Variants in XPO4 observed in about 807,000 individuals in gnomAD.
XPO4 encodes exportin 4, also known as exportin-4.
A neutral mutation model predicts 143.0 loss-of-function variants in XPO4; 39 were observed. The ratio of observed to expected loss-of-function variants is 0.27; its 90% CI spans 0.21 to 0.36. XPO4 has a LOEUF of 0.36. XPO4 is among the 10% of genes least tolerant of loss of function. XPO4 has a pLI of 1.00. For synonymous variants in XPO4, 439 were observed against 474.0 expected, an observed-to-expected ratio of 0.93 and a Z score of 0.96; for missense variants, 907 against 1,348.0, an observed-to-expected ratio of 0.67 and a Z score of 5.12.
At chr13:20,855,593 T>C (rs1356340568) in intron 4 of XPO4, 34 bp downstream of exon 4, 2 of 1,468,482 alleles carry the variant, frequency 1.4e-6, no homozygotes, top group East Asian at 5.1e-5. Flanking sequence ...AAATATAAAT[T>C]GTTAATATTT....
At chr13:20,869,602 C>T (rs1170657529) in intron 1 of XPO4, 1 of 776,238 alleles carries the variant, frequency 1.3e-6, no homozygotes, top group South Asian at 5.9e-5. Flanking sequence ...GATCAACACT[C>T]ATTATAAATT....
In XPO4 at chr13:20,797,154, T is replaced by C. The variant is rs373593571; in HGVS notation, c.2323-97A>G. On this transcript the variant is annotated intron_variant, in intron 16 of 22. Transcript: ENST00000255305. ...TCACTTTCCAAAACATTTCTAATTG[T>C]TGGAGGCAGGACAAGCACATAACAA... The C allele has an allele frequency of 1.2e-3, 1,438 of 1,228,914 alleles. 26 individuals carry two copies. The South Asian group carries it at 0.021, about 18-fold the overall frequency. The allele number at this position is 1,228,914 out of a possible 1,614,324, so 76.1% of individuals were successfully genotyped here.
chr13:20,834,701 G>A (rs1313878984), intron 6 of XPO4, among the ~76,000 whole-genome samples: 1 of 151,866 alleles, frequency 6.6e-6, no homozygotes, highest in Admixed American at 6.6e-5. Context: ...GCTCATGCCT[G>A]TAATCCCAGC....
intron 3 of XPO4, chr13:20,857,023 G>A (rs2060151154): frequency 3.0e-6 from 1 of 333,170 alleles, no homozygotes; most frequent in Non-Finnish European, 4.3e-6. Flanking sequence ...TTATACAGAT[G>A]AATAAATATG....
intron 9 of XPO4, among the ~76,000 whole-genome samples, chr13:20,819,830 G>A (rs1259152130): frequency 6.6e-6 from 1 of 152,148 alleles, no homozygotes; most frequent in East Asian, 1.9e-4. Context: ...GGTATTAGCT[G>A]TATACTCCCC....
intron 9 of XPO4, among the ~76,000 whole-genome samples, chr13:20,818,881 T>C (rs1281788389): frequency 6.6e-6 from 1 of 151,370 alleles, no homozygotes; most frequent in Non-Finnish European, 1.5e-5. Context: ...AGTGCAGTGG[T>C]GTGATCTTGG....
intron 4 of XPO4, among the ~76,000 whole-genome samples, chr13:20,854,037 C>G (rs1414518995): frequency 2.6e-5 from 4 of 152,124 alleles, no homozygotes; most frequent in Non-Finnish European, 2.9e-5. Flanking sequence ...GTATACACAA[C>G]AGTCACAACT....
At position 20,783,508 on chromosome 13, in the gene XPO4, T is replaced by G; in HGVS notation, c.*214A>C. 2 of 570,952 alleles carry G rather than the reference T, an allele frequency of 3.5e-6. No individual in the cohort carries two copies. Among genetic ancestry groups the G allele is most frequent in the South Asian group, 2.3e-5 (1 of 43,132 alleles). The allele number at this position is 570,952 out of a possible 1,614,324, so 35.4% of individuals were successfully genotyped here. A position where few individuals can be genotyped will look rare whatever the true frequency, so the allele number is the denominator to read the frequency against. ...ATCACCATTCAGAATCTAAAAGACA[T>G]ATATATGACAGATTGTGGCTAACAC... On this transcript the variant is annotated 3_prime_UTR_variant, in exon 23 of 23. Coordinates refer to ENST00000255305, the MANE Select transcript of XPO4 (RefSeq NM_022459.5).
chr13:20,792,421 T>C lies in XPO4; in HGVS notation c.2798-1841A>G, dbSNP rs572370936. 3.6e-4 allele frequency among the ~76,000 whole-genome samples: 55 copies of C among 152,004 alleles called. 1 individual carries two copies. The highest frequency in any genetic ancestry group is 6.2e-4 in the South Asian group (3 of 4,814). On this transcript the variant is annotated intron_variant, in intron 18 of 22. Transcript: ENST00000255305. ...GCCTGGCCAACATAGTGAAACATAG[T>C]ATCTGCTAAAAAAGGCGGGCACCTA...
intron 14 of XPO4, 116 bp from the exon 15 acceptor site, chr13:20,800,441 A>G (rs2059417128): frequency 1.0e-6 from 1 of 963,596 alleles, no homozygotes; most frequent in Non-Finnish European, 1.5e-6. Context: ...CTTACTTCAC[A>G]TCAACTTTAC....
intron 6 of XPO4, among the ~76,000 whole-genome samples, chr13:20,841,943 C>T (rs1305091067): frequency 6.6e-6 from 1 of 151,806 alleles, no homozygotes; most frequent in Non-Finnish European, 1.5e-5. Context: ...ATTAAATTTC[C>T]TATACCACAC....
chr13:20,899,570 T>A (rs1249788216), intron 1 of XPO4, among the ~76,000 whole-genome samples: 1 of 152,166 alleles, frequency 6.6e-6, no homozygotes, highest in Admixed American at 6.5e-5. Context: ...CTCTAGACCC[T>A]ATTACTAAAA....
At chr13:20,898,468 G>A (rs2060589423) in intron 1 of XPO4, among the ~76,000 whole-genome samples, 1 of 152,126 alleles carries the variant, frequency 6.6e-6, no homozygotes, top group Non-Finnish European at 1.5e-5. Context: ...GGGAGGCTGA[G>A]GCAGGACAAT....
chr13:20,843,504 T>C (rs1294081141), intron 5 of XPO4, among the ~76,000 whole-genome samples: 6 of 151,776 alleles, frequency 4.0e-5, no homozygotes, highest in African/African-American at 1.2e-4. Flanking sequence ...ATTAGTTATA[T>C]CTAAACACAA....
At chr13:20,828,731 G>A (rs1455572919) in intron 6 of XPO4, among the ~76,000 whole-genome samples, 1 of 152,096 alleles carries the variant, frequency 6.6e-6, no homozygotes, top group Admixed American at 6.6e-5. Context: ...GGAGGTACAG[G>A]GAAAGAGGTG....
At chr13:20,889,174 TAAGTTA>T (rs1245815162) in intron 1 of XPO4, among the ~76,000 whole-genome samples, 2 of 138,050 alleles carry the variant, frequency 1.4e-5, no homozygotes, top group East Asian at 2.0e-4. Flanking sequence ...TGTTTAAGTT[TAAGTTA>T]ATTAAAAATT....
chr13:20,886,461 A>T (rs146256047), intron 1 of XPO4, among the ~76,000 whole-genome samples: 24 of 152,098 alleles, frequency 1.6e-4, no homozygotes, highest in South Asian at 4.2e-4. Context: ...AAAATATAAA[A>T]AATTAGTTGT....
rs183369249 is a variant in XPO4 at position 20,796,221 on chromosome 13, A to G, written c.2652T>C (p.Thr884=). The G allele has an allele frequency of 1.1e-4, 180 of 1,612,738 alleles. 1 individual carries two copies. In the African/African-American group the frequency reaches 2.3e-3, roughly 20 times the overall value. The change falls in exon 18 of 23, where the codon ACT becomes ACC. Residue 884 remains threonine, a synonymous_variant. Coordinates refer to ENST00000255305, the MANE Select transcript of XPO4 (RefSeq NM_022459.5). ...KAMNLYEACL[T]LLQVYSKNNL... ...TATTCTTAGAATACACTTGCAACAA[A>G]GTAAGGCAGGCTTCATATAAGTTCA...
At chr13:20,879,061 C>T (rs957710541) in intron 1 of XPO4, 25 of 964,780 alleles carry the variant, frequency 2.6e-5, no homozygotes, top group Non-Finnish European at 3.1e-5. Context: ...CAGAAGCGAA[C>T]GCAGGGATCC....
Sources: allele counts gnomAD v4.1 joint callset (sites outside exome capture counted in the v4.1 genomes callset), GRCh38; gene constraint gnomAD v4.1.1; transcripts MANE v1.5; gene names NCBI Gene and HGNC (gene_info 2026-07-23, HGNC 2026-07-21).